The following TMEM178B variants were observed in gnomAD, a reference collection of about 807,000 sequenced individuals.
TMEM178B encodes the protein transmembrane protein 178B.
In TMEM178B, 5 loss-of-function variants were observed where a neutral mutation model predicts 31.0. That is an observed-to-expected ratio of 0.16 (90% confidence interval 0.08 to 0.34). The LOEUF is 0.34. TMEM178B is among the 10% of genes least tolerant of loss of function. The pLI is 1.00. For missense variants in TMEM178B, 275 were observed against 400.3 expected (o/e 0.69, Z 2.67); for synonymous variants, 164 against 164.0 (o/e 1.00, Z 0.00).
At chr7:141,135,567 T>C (rs1273356804) in intron 1 of TMEM178B, among the ~76,000 whole-genome samples, 1 of 152,044 alleles carries the variant, frequency 6.6e-6, no homozygotes, top group East Asian at 1.9e-4. Context: ...TAGAAATCAA[T>C]AACAAGAGGA....
intron 2 of TMEM178B, among the ~76,000 whole-genome samples, chr7:141,401,591 T>C (rs903881979): frequency 9.2e-5 from 14 of 152,048 alleles, no homozygotes; most frequent in Non-Finnish European, 1.3e-4. Context: ...ATTTTTTTAT[T>C]TTTTTATTTT....
chr7:141,102,767 C>T (rs973760585), intron 1 of TMEM178B, among the ~76,000 whole-genome samples: 4 of 152,088 alleles, frequency 2.6e-5, no homozygotes, highest in African/African-American at 9.7e-5. Context: ...TAATTATAAC[C>T]CTCTCTTATA....
rs565869698 is a variant in TMEM178B at position 141,284,718 on chromosome 7, T to C, written c.496+72014T>C. ...ATAATATGGGGTCAGTGAGGTTTGT[T>C]ACACGAGTGAATGACCAACAACACT... On this transcript the variant is annotated intron_variant, in intron 2 of 3. Coordinates refer to ENST00000565468, the MANE Select transcript of TMEM178B (RefSeq NM_001195278.2). Among the ~76,000 whole-genome samples, 24 of 152,330 alleles carry C rather than the reference T, an allele frequency of 1.6e-4. No individual in the cohort carries two copies. In the East Asian group the frequency reaches 4.1e-3, roughly 26 times the overall value.
chr7:141,248,281 G>T (rs1797771118), intron 2 of TMEM178B, among the ~76,000 whole-genome samples: 1 of 152,130 alleles, frequency 6.6e-6, no homozygotes, highest in Non-Finnish European at 1.5e-5. Context: ...TGTGGTGGCA[G>T]GCGCCTGTAA....
At chr7:141,483,235 C>T (rs1371789456), downstream of TMEM178B, among the ~76,000 whole-genome samples, 2 of 152,208 alleles carry the variant, frequency 1.3e-5, no homozygotes, top group African/African-American at 4.8e-5. Context: ...TGAGTCAACC[C>T]TCTACTACAC....
At chr7:141,487,741 CAAAAAAAAAAAAA>C in the TMEM178B span, among the ~76,000 whole-genome samples, 6 of 30,250 alleles carry the variant, frequency 2.0e-4, no homozygotes, top group Non-Finnish European at 3.4e-4. Flanking sequence ...GACTCCGTCT[CAAAAAAAAAAAAA>C]AAAAAAAAAA....
At chr7:141,482,951 C>A (rs1461487634), downstream of TMEM178B, among the ~76,000 whole-genome samples, 1 of 151,940 alleles carries the variant, frequency 6.6e-6, no homozygotes, top group Non-Finnish European at 1.5e-5. Context: ...GTCACCTAGG[C>A]ATGAAGTACC....
At chr7:141,317,000 C>G (rs973397402) in intron 2 of TMEM178B, among the ~76,000 whole-genome samples, 2 of 152,190 alleles carry the variant, frequency 1.3e-5, no homozygotes, top group Admixed American at 6.5e-5. Context: ...GGCTTTGGTG[C>G]TGGATATCCT....
intron 2 of TMEM178B, chr7:141,416,402 G>A (rs1801097048): frequency 6.6e-6 from 1 of 152,654 alleles, no homozygotes; most frequent in Non-Finnish European, 1.5e-5. Context: ...CTGAGTAGGA[G>A]GACACAGGAA....
the TMEM178B span, among the ~76,000 whole-genome samples, chr7:141,498,541 T>C: frequency 3.3e-5 from 5 of 152,232 alleles, no homozygotes; most frequent in Non-Finnish European, 7.3e-5. Flanking sequence ...CCAAGATGTA[T>C]AGAATCTTCA....
intron 2 of TMEM178B, among the ~76,000 whole-genome samples, chr7:141,309,962 C>T (rs894519409): frequency 6.6e-6 from 1 of 152,204 alleles, no homozygotes; most frequent in African/African-American, 2.4e-5. Context: ...TTAAATGTAA[C>T]ACCCCAAACT....
At chr7:141,331,792 A>C (rs1024891866) in intron 2 of TMEM178B, among the ~76,000 whole-genome samples, 1 of 152,188 alleles carries the variant, frequency 6.6e-6, no homozygotes, top group Non-Finnish European at 1.5e-5. Context: ...CTGAACCTTC[A>C]GAAAGGGTGA....
At chr7:141,370,100 C>T (rs73739817) in intron 2 of TMEM178B, among the ~76,000 whole-genome samples, 1,729 of 143,230 alleles carry the variant, frequency 0.012, 28 homozygotes, top group African/African-American at 0.037. Flanking sequence ...CCAGTGGAAC[C>T]GGGAGGAACC....
rs567194479 is a variant in TMEM178B, at chr7:141,085,471, AT to A, written c.382+10789del. Among the ~76,000 whole-genome samples, 122 of 148,432 alleles carry A rather than the reference AT, an allele frequency of 8.2e-4. 1 individual carries two copies. Among genetic ancestry groups the A allele is most frequent in the Middle Eastern group, 6.9e-3 (2 of 290 alleles). On this transcript the variant is annotated intron_variant, in intron 1 of 3. Transcript: ENST00000565468. ...TGCAGTATCTGAATTATTTCAATTG[AT>A]TTTTTTTTTGGCGTCAAAGTATTTT...
At position 141,318,457 on chromosome 7, in the gene TMEM178B, A is replaced by G. The variant is rs1177610894; in HGVS notation, c.496+105753A>G. Among the ~76,000 whole-genome samples, 1 of 152,200 alleles carries G rather than the reference A, an allele frequency of 6.6e-6. No homozygotes were observed. The highest frequency in any genetic ancestry group is 2.4e-5 in the African/African-American group (1 of 41,462). ...GTTTCAGGAAACTGTTCAAGTTTTT[A>G]TTTAGCTTTCATTTCTTTGAATACG... On this transcript the variant is annotated intron_variant, in intron 2 of 3. Coordinates refer to ENST00000565468, the MANE Select transcript of TMEM178B (RefSeq NM_001195278.2). This position sits in a 1 kb window ranked among gnomAD's most constrained non-coding sequence, Gnocchi z 4.1.
At chr7:141,485,275 G>A (rs1277764740), downstream of TMEM178B, among the ~76,000 whole-genome samples, 2 of 152,210 alleles carry the variant, frequency 1.3e-5, no homozygotes, top group Non-Finnish European at 2.9e-5. Flanking sequence ...TTGTAAGCTA[G>A]ATTGCAAAGA....
At chr7:141,342,743 C>T (rs564446054) in intron 2 of TMEM178B, among the ~76,000 whole-genome samples, 3 of 152,248 alleles carry the variant, frequency 2.0e-5, no homozygotes, top group South Asian at 2.1e-4. Context: ...TTGTTCCGTT[C>T]GAGTTTCCGC....
chr7:141,184,695 C>T lies in TMEM178B; in HGVS notation c.383-27896C>T, dbSNP rs567591393. Among the ~76,000 whole-genome samples the T allele has an allele frequency of 5.3e-5, 8 of 152,282 alleles. No homozygotes were observed. The South Asian group carries it at 1.0e-3, about 20-fold the overall frequency. On this transcript the variant is annotated intron_variant, in intron 1 of 3. Coordinates refer to ENST00000565468, the MANE Select transcript of TMEM178B (RefSeq NM_001195278.2). ...GGCTATGACATCAATTCCCAGAGCA[C>T]GGAGCTTGGGGGAACTCCAAAGCAA...
At chr7:141,242,646 A>T (rs1797645208) in intron 2 of TMEM178B, among the ~76,000 whole-genome samples, 1 of 147,160 alleles carries the variant, frequency 6.8e-6, no homozygotes, top group Non-Finnish European at 1.5e-5. Flanking sequence ...GGTTCAAGTG[A>T]TTCTCCTGCC....
Sources: allele counts gnomAD v4.1 joint callset (sites outside exome capture counted in the v4.1 genomes callset), GRCh38; gene constraint gnomAD v4.1.1; non-coding constraint Gnocchi (gnomAD v3.1); transcripts MANE v1.5; gene names NCBI Gene and HGNC (gene_info 2026-07-23, HGNC 2026-07-21).